The following TBC1D5 variants were observed in gnomAD, a reference collection of about 807,000 sequenced individuals.
TBC1D5 encodes the protein TBC1 domain family, member 5.
A neutral mutation model predicts 100.3 loss-of-function variants in TBC1D5; 75 were observed. That is an observed-to-expected ratio of 0.75 (90% CI 0.62 to 0.91). The LOEUF (loss-of-function observed/expected upper bound fraction) is 0.91, where lower values mean the gene tolerates loss of function less well. Ranked by LOEUF, TBC1D5 falls within the 40% of genes least tolerant of loss-of-function variation. TBC1D5 has a pLI of 0.00. For missense variants in TBC1D5, 910 were observed against 942.4 expected (o/e 0.97, Z 0.45); for synonymous variants, 323 against 325.6 (o/e 0.99, Z 0.09).
chr3:17,488,427 T>C (rs957630922), intron 3 of TBC1D5, among the ~76,000 whole-genome samples: 1 of 152,222 alleles, frequency 6.6e-6, no homozygotes, highest in Admixed American at 6.5e-5. Flanking sequence ...TAAATAAAGC[T>C]GTTATAAACA....
At chr3:17,596,892 A>G (rs994627021) in intron 2 of TBC1D5, among the ~76,000 whole-genome samples, 8 of 152,066 alleles carry the variant, frequency 5.3e-5, no homozygotes, top group Non-Finnish European at 1.0e-4. Flanking sequence ...TACAACTGTC[A>G]CTATGGAACA....
intron 13 of TBC1D5, among the ~76,000 whole-genome samples, chr3:17,332,031 C>A (rs528934269): frequency 2.5e-4 from 38 of 152,262 alleles, no homozygotes; most frequent in Non-Finnish European, 4.7e-4. Flanking sequence ...TGTTATAATT[C>A]TATTTCTATT....
intron 3 of TBC1D5, among the ~76,000 whole-genome samples, chr3:17,428,772 T>C (rs1266602405): frequency 6.6e-6 from 1 of 151,938 alleles, no homozygotes; most frequent in African/African-American, 2.4e-5. Flanking sequence ...TGAGGCACAG[T>C]ACAAACATTT....
At chr3:17,189,085 G>A (rs929870948) in intron 18 of TBC1D5, among the ~76,000 whole-genome samples, 1 of 152,088 alleles carries the variant, frequency 6.6e-6, no homozygotes, top group Admixed American at 6.6e-5. Context: ...TAATTCCTTG[G>A]TCTACTCAAC....
intron 3 of TBC1D5, among the ~76,000 whole-genome samples, chr3:17,468,569 TG>T (rs2095336299): frequency 6.6e-6 from 1 of 152,304 alleles, no homozygotes; most frequent in Admixed American, 6.5e-5. Flanking sequence ...TATTTCCCTC[TG>T]TTAGAATGCA....
chr3:17,400,861 G>A (rs2093626333), intron 8 of TBC1D5, among the ~76,000 whole-genome samples: 1 of 151,980 alleles, frequency 6.6e-6, no homozygotes, highest in Non-Finnish European at 1.5e-5. Context: ...TTGGACTCTT[G>A]GACTTACACC....
At chr3:17,647,262 A>G (rs1560368166) in intron 1 of TBC1D5, among the ~76,000 whole-genome samples, 1 of 152,146 alleles carries the variant, frequency 6.6e-6, no homozygotes, top group Non-Finnish European at 1.5e-5. Context: ...AAACCACAGA[A>G]AACAAAGCAA....
intron 15 of TBC1D5, among the ~76,000 whole-genome samples, chr3:17,264,706 A>G (rs2078674722): frequency 6.6e-6 from 1 of 152,234 alleles, no homozygotes; most frequent in Admixed American, 6.5e-5. Context: ...AACTGTAATG[A>G]GTTAGTTACA....
chr3:17,248,792 G>T (rs531259605), intron 16 of TBC1D5, among the ~76,000 whole-genome samples: 2 of 152,256 alleles, frequency 1.3e-5, no homozygotes, highest in East Asian at 3.9e-4. Context: ...TCTGGCTACG[G>T]AAGTCCTTTG....
At chr3:17,277,518 A>G (rs751452850) in intron 15 of TBC1D5, among the ~76,000 whole-genome samples, 1 of 152,208 alleles carries the variant, frequency 6.6e-6, no homozygotes, top group Non-Finnish European at 1.5e-5. Flanking sequence ...TTGGCAAACT[A>G]ATTAACAGTA....
At chr3:17,721,146 T>C (rs919931834) in intron 1 of TBC1D5, among the ~76,000 whole-genome samples, 10 of 151,854 alleles carry the variant, frequency 6.6e-5, no homozygotes, top group African/African-American at 2.2e-4. Context: ...CCGCCGAGAC[T>C]GTTTCAAAAA....
chr3:17,266,583 A>G (rs1196913325), intron 15 of TBC1D5, among the ~76,000 whole-genome samples: 4 of 152,172 alleles, frequency 2.6e-5, no homozygotes, highest in Non-Finnish European at 5.9e-5. Flanking sequence ...ATAAATTCAC[A>G]AAACCTCAGA....
Position 17,407,738 on chromosome 3 carries a change from C to T in TBC1D5, c.168-1212G>A, listed in dbSNP as rs73040829. Among the ~76,000 whole-genome samples the T allele has an allele frequency of 8.9e-3, 1,350 of 152,214 alleles. 17 individuals are homozygous for T. Among genetic ancestry groups the T allele is most frequent in the Non-Finnish European group, 0.013 (915 of 67,986 alleles). The stretch of plus-strand genomic sequence containing the variant: ...TTCCGTACTGCCACCAGCAGAACTT[C>T]CAGCTTTAACCCAGTAGCGTTGTGA... On this transcript the variant is annotated intron_variant, in intron 4 of 21. Transcript: ENST00000253692.
intron 13 of TBC1D5, among the ~76,000 whole-genome samples, chr3:17,352,366 T>C (rs938814800): frequency 6.6e-6 from 1 of 152,116 alleles, no homozygotes; most frequent in African/African-American, 2.4e-5. Flanking sequence ...TGTTTTACTT[T>C]AAAAGGCAAC....
intron 19 of TBC1D5, among the ~76,000 whole-genome samples, chr3:17,174,693 A>G (rs1430962692): frequency 6.6e-6 from 1 of 152,086 alleles, no homozygotes; most frequent in African/African-American, 2.4e-5. Flanking sequence ...TCCTGGATTC[A>G]AGCAATTCTC....
intron 3 of TBC1D5, among the ~76,000 whole-genome samples, chr3:17,496,790 C>T (rs2095712933): frequency 6.6e-6 from 1 of 152,150 alleles, no homozygotes; most frequent in Admixed American, 6.5e-5. Flanking sequence ...TTTAAAATAG[C>T]TATCATTCCT....
At chr3:17,534,181 T>C (rs1039007429) in intron 2 of TBC1D5, among the ~76,000 whole-genome samples, 1 of 152,160 alleles carries the variant, frequency 6.6e-6, no homozygotes, top group Admixed American at 6.5e-5. Flanking sequence ...AACATCACTT[T>C]CATTTAGGAA....
rs111820681 is a variant in TBC1D5 at position 17,371,068 on chromosome 3, T to TACACACAC, written c.995+999_995+1006dup. ...CACACCTTATAAGCCACTGAAAAAA[T>TACACACAC]ACACACACACACACACACACACACA... is the stretch of plus-strand genomic sequence containing the variant. On this transcript the variant is annotated intron_variant, in intron 13 of 21. Coordinates refer to ENST00000253692, the Ensembl canonical transcript of TBC1D5. 9.0e-3 allele frequency among the ~76,000 whole-genome samples: 1,323 copies of TACACACAC among 146,480 alleles called. 18 individuals carry two copies. The highest frequency in any genetic ancestry group is 0.012 in the African/African-American group (468 of 40,330).
At chr3:17,499,212 A>G (rs2095753706) in intron 3 of TBC1D5, among the ~76,000 whole-genome samples, 1 of 152,170 alleles carries the variant, frequency 6.6e-6, no homozygotes, top group South Asian at 2.1e-4. Context: ...TAATGCTATG[A>G]AAGGAGTTAA....
Sources: gnomAD v4.1 joint callset for allele counts (sites outside exome capture counted in the v4.1 genomes callset) on GRCh38, gnomAD v4.1.1 for gene constraint, MANE v1.5 for transcripts, NCBI Gene and HGNC (gene_info 2026-07-23, HGNC 2026-07-21) for gene names.